Variants in POU3F3 observed in about 807,000 individuals in gnomAD.
POU3F3 encodes the protein POU domain, class 3, transcription factor 3.
Under a neutral mutation model 8.6 loss-of-function variants are expected in POU3F3, and 1 was observed. The observed-to-expected ratio is 0.12, with a 90% CI of 0.04 to 0.55. The LOEUF (loss-of-function observed/expected upper bound fraction) is 0.55, where lower values mean the gene tolerates loss of function less well. Ranked by LOEUF, POU3F3 falls within the 20% of genes least tolerant of loss-of-function variation. POU3F3 has a pLI of 0.91. For synonymous variants in POU3F3, 418 were observed against 327.4 expected (o/e 1.28, Z -2.99); for missense variants, 577 against 690.7 (o/e 0.84, Z 1.84).
the POU3F3 span, among the ~76,000 whole-genome samples, chr2:104,922,702 G>C: frequency 6.6e-6 from 1 of 152,188 alleles, no homozygotes; most frequent in African/African-American, 2.4e-5. Flanking sequence ...CATTGTGGGA[G>C]TTCCAAAAGG....
chr2:104,899,866 G>T, the POU3F3 span, among the ~76,000 whole-genome samples: 11 of 152,290 alleles, frequency 7.2e-5, no homozygotes, highest in Admixed American at 2.6e-4. Flanking sequence ...CAAGGCTCAT[G>T]GCATAAGACA....
At chr2:104,909,130 GA>G in the POU3F3 span, among the ~76,000 whole-genome samples, 2 of 152,152 alleles carry the variant, frequency 1.3e-5, no homozygotes, top group African/African-American at 2.4e-5. Flanking sequence ...CCAGAATTAA[GA>G]AATAAAATTA....
the POU3F3 span, among the ~76,000 whole-genome samples, chr2:104,922,645 T>C: frequency 6.6e-6 from 1 of 152,102 alleles, no homozygotes; most frequent in Non-Finnish European, 1.5e-5. Context: ...AAACACAGCC[T>C]CAGAGACCCA....
chr2:104,926,109 C>A, the POU3F3 span: 1 of 152,166 alleles, frequency 6.6e-6, no homozygotes, highest in Non-Finnish European at 1.5e-5. Flanking sequence ...CAAATGGGAT[C>A]TAATTAAACT....
At chr2:104,881,479 A>T in the POU3F3 span, among the ~76,000 whole-genome samples, 1 of 151,926 alleles carries the variant, frequency 6.6e-6, no homozygotes, top group South Asian at 2.1e-4. Flanking sequence ...TCTTTTTCAT[A>T]TGCAATGGTT....
chr2:104,899,206 G>A, the POU3F3 span, among the ~76,000 whole-genome samples: 1 of 152,252 alleles, frequency 6.6e-6, no homozygotes, highest in Non-Finnish European at 1.5e-5. Context: ...CGGATCGGCA[G>A]TATGGGTTGT....
the POU3F3 span, among the ~76,000 whole-genome samples, chr2:104,904,338 CAT>C: frequency 6.6e-6 from 1 of 152,204 alleles, no homozygotes; most frequent in Non-Finnish European, 1.5e-5. Flanking sequence ...TATAGTCTAT[CAT>C]ATGTCACCAA....
At chr2:104,918,622 C>T in the POU3F3 span, among the ~76,000 whole-genome samples, 2 of 152,088 alleles carry the variant, frequency 1.3e-5, no homozygotes, top group Non-Finnish European at 2.9e-5. Flanking sequence ...CCCAAGGTCA[C>T]CAGCAAACCA....
downstream of POU3F3, chr2:104,858,581 G>C (rs1487961204): frequency 6.6e-6 from 1 of 152,174 alleles, no homozygotes; most frequent in Non-Finnish European, 1.5e-5. Flanking sequence ...GAAATAGTCT[G>C]TGTCTGATGC....
chr2:104,856,185 C>G lies in POU3F3; in HGVS notation c.675C>G (p.Pro225=). 1 of 1,268,700 alleles carries G rather than the reference C, an allele frequency of 7.9e-7. No homozygotes were observed. Among genetic ancestry groups the G allele is most frequent in the South Asian group, 2.8e-5 (1 of 35,796 alleles). The allele number at this position is 1,268,700 out of a possible 1,614,324, so 78.6% of individuals were successfully genotyped here. A position where few individuals can be genotyped will look rare whatever the true frequency, so the allele number is the denominator to read the frequency against. The part of the protein sequence containing the change: ...PPPQSLLYSQ[P]GGFTVNGMLS... ...CGCAGAGTCTGCTCTACTCGCAGCCCGGAGGCTTCACGGTGAACGGCATGC... is the reference window on the plus strand; with the variant it reads ...CGCAGAGTCTGCTCTACTCGCAGCCGGGAGGCTTCACGGTGAACGGCATGC... The change falls in exon 1 of 1, where the codon CCC becomes CCG. Residue 225 remains proline, a synonymous_variant. Coordinates refer to ENST00000361360, the MANE Select transcript of POU3F3 (RefSeq NM_006236.3).
At chr2:104,868,331 G>A in the POU3F3 span, 15 of 456,644 alleles carry the variant, frequency 3.3e-5, no homozygotes, top group Admixed American at 1.9e-4. Flanking sequence ...CAGTGCAGCA[G>A]TGCAAGCATC....
the POU3F3 span, among the ~76,000 whole-genome samples, chr2:104,907,641 C>T: frequency 3.3e-5 from 5 of 152,116 alleles, no homozygotes; most frequent in Admixed American, 2.6e-4. Context: ...GCTATCCATT[C>T]CTTTTGCTTT....
At chr2:104,912,192 T>C in the POU3F3 span, among the ~76,000 whole-genome samples, 1 of 152,184 alleles carries the variant, frequency 6.6e-6, no homozygotes, top group Admixed American at 6.5e-5. Context: ...TTGTTCGTGC[T>C]GGTCGGGCAA....
chr2:104,897,707 T>G, the POU3F3 span, among the ~76,000 whole-genome samples: 1 of 152,326 alleles, frequency 6.6e-6, no homozygotes, highest in East Asian at 1.9e-4. Context: ...AAGTCGATCT[T>G]TTTGTCTGCA....
chr2:104,862,582 C>T (rs1676678463), downstream of POU3F3, among the ~76,000 whole-genome samples: 1 of 151,324 alleles, frequency 6.6e-6, no homozygotes, highest in Non-Finnish European at 1.5e-5. Context: ...GGGGCGGTGG[C>T]GGTCGCGGTG....
At chr2:104,872,414 G>A in the POU3F3 span, 2 of 443,206 alleles carry the variant, frequency 4.5e-6, no homozygotes, top group Admixed American at 4.9e-5. The surrounding 1 kb of genome is among the most constrained non-coding windows in gnomAD (Gnocchi z 4.6). Flanking sequence ...GGCTGCAGGG[G>A]CGAGAAATCC....
the POU3F3 span, among the ~76,000 whole-genome samples, chr2:104,907,102 G>A: frequency 4.6e-5 from 7 of 152,166 alleles, no homozygotes; most frequent in South Asian, 4.2e-4. Flanking sequence ...GCCCCTCATC[G>A]TCATCCTAGC....
chr2:104,903,508 G>A, the POU3F3 span, among the ~76,000 whole-genome samples: 15 of 152,318 alleles, frequency 9.8e-5, 2 homozygotes, highest in African/African-American at 3.4e-4. Context: ...CACGCTTTAT[G>A]TGTGCTGTTC....
At chr2:104,860,572 G>A (rs957032545), downstream of POU3F3, among the ~76,000 whole-genome samples, 3 of 151,840 alleles carry the variant, frequency 2.0e-5, no homozygotes, top group Non-Finnish European at 4.4e-5. Flanking sequence ...AAGTGACAAA[G>A]TTCTGTTCCA....
Sources: gnomAD v4.1 joint callset for allele counts (sites outside exome capture counted in the v4.1 genomes callset) on GRCh38, gnomAD v4.1.1 for gene constraint, Gnocchi (gnomAD v3.1) non-coding constraint, MANE v1.5 for transcripts, NCBI Gene and HGNC (gene_info 2026-07-23, HGNC 2026-07-21) for gene names.